Variants in TAFA1 observed in about 807,000 individuals in gnomAD.
TAFA1 encodes TAFA chemokine like family member 1.
TAFA1 carries 4 observed loss-of-function variants against 18.5 expected under a neutral mutation model. The ratio of observed to expected loss-of-function variants is 0.22; its 90% CI spans 0.11 to 0.49. TAFA1 has a LOEUF of 0.49. Ranked by LOEUF, TAFA1 falls within the 20% of genes least tolerant of loss-of-function variation. TAFA1 has a pLI of 0.98. For missense variants in TAFA1, 147 were observed against 169.0 expected, an observed-to-expected ratio of 0.87 and a Z score of 0.72; for synonymous variants, 56 against 55.2, an observed-to-expected ratio of 1.01 and a Z score of -0.06.
At chr3:68,158,747 C>A (rs777720930) in intron 2 of TAFA1, among the ~76,000 whole-genome samples, 1 of 152,058 alleles carries the variant, frequency 6.6e-6, no homozygotes, top group East Asian at 1.9e-4. Flanking sequence ...CATATTACTT[C>A]TTTCTTTTAC....
intron 2 of TAFA1, among the ~76,000 whole-genome samples, chr3:68,221,772 G>T (rs765116828): frequency 2.0e-5 from 3 of 152,192 alleles, no homozygotes; most frequent in Non-Finnish European, 4.4e-5. Context: ...GATTCTCAAT[G>T]AATATGATCT....
At chr3:68,474,678 A>G (rs768561611) in intron 3 of TAFA1, among the ~76,000 whole-genome samples, 7 of 152,190 alleles carry the variant, frequency 4.6e-5, no homozygotes, top group African/African-American at 9.6e-5. Context: ...CTCTCTAACT[A>G]TATTCCCAGC....
intron 2 of TAFA1, among the ~76,000 whole-genome samples, chr3:68,044,316 T>C (rs962187772): frequency 5.9e-5 from 9 of 152,256 alleles, no homozygotes; most frequent in Non-Finnish European, 1.2e-4. Context: ...TGTTCTTTTA[T>C]GGTTTGTCAC....
intron 2 of TAFA1, among the ~76,000 whole-genome samples, chr3:68,166,915 G>T (rs1384113023): frequency 6.6e-6 from 1 of 152,138 alleles, no homozygotes; most frequent in African/African-American, 2.4e-5. Context: ...AATATCTTCT[G>T]AATGATAAAT....
chr3:68,324,096 T>C (rs1026640143), intron 2 of TAFA1, among the ~76,000 whole-genome samples: 3 of 152,214 alleles, frequency 2.0e-5, no homozygotes, highest in Non-Finnish European at 2.9e-5. Flanking sequence ...GATTTCTTCC[T>C]GGCAGTGCTG....
chr3:68,494,113 T>G (rs1241120236), intron 3 of TAFA1, among the ~76,000 whole-genome samples: 4 of 152,188 alleles, frequency 2.6e-5, no homozygotes, highest in Non-Finnish European at 5.9e-5. Flanking sequence ...TTTGTTTAAT[T>G]TTTTTTGAGA....
chr3:68,457,696 C>T (rs2071690536), intron 3 of TAFA1, among the ~76,000 whole-genome samples: 1 of 152,162 alleles, frequency 6.6e-6, no homozygotes, highest in Non-Finnish European at 1.5e-5. Context: ...AAATATAATA[C>T]ATTGTCATTA....
chr3:68,245,952 A>G (rs2067069186), intron 2 of TAFA1, among the ~76,000 whole-genome samples: 1 of 152,230 alleles, frequency 6.6e-6, no homozygotes, highest in South Asian at 2.1e-4. Context: ...TATAAGACAC[A>G]GGCATAGGTA....
intron 2 of TAFA1, among the ~76,000 whole-genome samples, chr3:68,099,540 T>C (rs894908534): frequency 1.3e-5 from 2 of 152,124 alleles, no homozygotes; most frequent in Non-Finnish European, 2.9e-5. Context: ...ACTTATACAC[T>C]CTTGGTGGGA....
At chr3:68,181,757 G>A (rs2066203886) in intron 2 of TAFA1, among the ~76,000 whole-genome samples, 1 of 152,116 alleles carries the variant, frequency 6.6e-6, no homozygotes, top group African/African-American at 2.4e-5. Flanking sequence ...ATCTGTTGTG[G>A]GCTCTCTCAG....
intron 2 of TAFA1, among the ~76,000 whole-genome samples, chr3:68,106,565 C>A (rs2065207060): frequency 6.6e-6 from 1 of 151,902 alleles, no homozygotes; most frequent in African/African-American, 2.4e-5. Flanking sequence ...TGAAAAAGAA[C>A]AAACAATGAA....
At chr3:68,514,186 A>G (rs2072888783) in intron 3 of TAFA1, among the ~76,000 whole-genome samples, 1 of 152,156 alleles carries the variant, frequency 6.6e-6, no homozygotes, top group Non-Finnish European at 1.5e-5. Flanking sequence ...TAGGAATTCA[A>G]TGTATGAATT....
intron 2 of TAFA1, among the ~76,000 whole-genome samples, chr3:68,090,645 C>T (rs774711294): frequency 2.2e-4 from 34 of 152,230 alleles, no homozygotes; most frequent in Middle Eastern, 3.4e-3. Flanking sequence ...TCCTTTGTGA[C>T]TATAACCTCA....
intron 2 of TAFA1, among the ~76,000 whole-genome samples, chr3:68,301,183 T>G (rs534038310): frequency 6.6e-6 from 1 of 152,328 alleles, no homozygotes; most frequent in Admixed American, 6.5e-5. Context: ...CCATTGTCAC[T>G]TTTACTGTTT....
intron 3 of TAFA1, among the ~76,000 whole-genome samples, chr3:68,439,767 C>G (rs1356197257): frequency 6.6e-6 from 1 of 151,926 alleles, no homozygotes; most frequent in Non-Finnish European, 1.5e-5. Flanking sequence ...CTGATAGACA[C>G]ACCCGGGATC....
At chr3:68,065,124 A>G (rs2106734566) in intron 2 of TAFA1, among the ~76,000 whole-genome samples, 1 of 152,220 alleles carries the variant, frequency 6.6e-6, no homozygotes, top group South Asian at 2.1e-4. Context: ...CAGCCCTCAA[A>G]TTAGGGAGAT....
At chr3:68,535,919 T>C (rs1300016559) in intron 3 of TAFA1, among the ~76,000 whole-genome samples, 1 of 152,162 alleles carries the variant, frequency 6.6e-6, no homozygotes, top group Non-Finnish European at 1.5e-5. Flanking sequence ...ATTGTTAAGC[T>C]ATAGGGCATG....
At chr3:68,400,657 C>T (rs1396188898) in intron 2 of TAFA1, among the ~76,000 whole-genome samples, 1 of 152,094 alleles carries the variant, frequency 6.6e-6, no homozygotes, top group Non-Finnish European at 1.5e-5. Context: ...TTGTATAAAT[C>T]TTATATATAC....
chr3:68,536,381 G>A (rs1354241248), intron 3 of TAFA1, among the ~76,000 whole-genome samples: 1 of 152,174 alleles, frequency 6.6e-6, no homozygotes, highest in Admixed American at 6.6e-5. Flanking sequence ...ATTATCATAT[G>A]TCATTTGGCT....
Sources: allele counts gnomAD v4.1 joint callset (sites outside exome capture counted in the v4.1 genomes callset), GRCh38; gene constraint gnomAD v4.1.1; transcripts MANE v1.5; gene names NCBI Gene and HGNC (gene_info 2026-07-23, HGNC 2026-07-21).